The following ARHGEF3 variants were observed in gnomAD, a reference collection of about 807,000 sequenced individuals.
ARHGEF3 encodes 59.8 kDA protein.
ARHGEF3 carries 28 observed loss-of-function variants against 63.2 expected under a neutral mutation model. That is an observed-to-expected ratio of 0.44 (90% CI 0.33 to 0.61). The LOEUF (loss-of-function observed/expected upper bound fraction) is 0.61. ARHGEF3 is among the 20% of genes least tolerant of loss of function. The probability of loss-of-function intolerance (pLI) is 0.03; values close to 1 mark genes in which losing one functional copy is unlikely to be tolerated. For missense variants in ARHGEF3, 533 were observed against 659.3 expected (o/e 0.81, Z 2.10); for synonymous variants, 266 against 254.2 (o/e 1.05, Z -0.44).
At chr3:56,923,077 A>ATATATAT (rs2042191813) in intron 3 of ARHGEF3, among the ~76,000 whole-genome samples, 9 of 98,322 alleles carry the variant, frequency 9.2e-5, no homozygotes, top group Admixed American at 4.7e-4. Context: ...TATATATATA[A>ATATATAT]ATTAGTTGGG....
At chr3:56,906,441 T>C (rs2041686179) in intron 3 of ARHGEF3, among the ~76,000 whole-genome samples, 2 of 152,236 alleles carry the variant, frequency 1.3e-5, no homozygotes, top group South Asian at 4.1e-4. Context: ...AATTGAGATG[T>C]GCTCTAAGTA....
At chr3:56,922,484 G>T (rs2108369640) in intron 3 of ARHGEF3, among the ~76,000 whole-genome samples, 1 of 151,912 alleles carries the variant, frequency 6.6e-6, no homozygotes, top group Non-Finnish European at 1.5e-5. Context: ...ATCTGAATAT[G>T]GGGGTGGGAG....
chr3:56,901,450 T>TGTAC (rs2041505584), intron 3 of ARHGEF3, among the ~76,000 whole-genome samples: 1 of 151,792 alleles, frequency 6.6e-6, no homozygotes, highest in Non-Finnish European at 1.5e-5. Context: ...ATACTGTATA[T>TGTAC]ATATATATAC....
At chr3:57,053,347 G>C (rs901379837) in intron 1 of ARHGEF3, among the ~76,000 whole-genome samples, 3 of 152,046 alleles carry the variant, frequency 2.0e-5, no homozygotes, top group African/African-American at 7.2e-5. Flanking sequence ...GCAGGGAGGA[G>C]CTCCATGGCA....
At chr3:56,958,967 T>C in intron 2 of ARHGEF3, 1 of 1,422,002 alleles carries the variant, frequency 7.0e-7, no homozygotes, top group Non-Finnish European at 9.7e-7. Flanking sequence ...AATGCAGGTT[T>C]ATCAAAAAGA....
At chr3:57,052,674 A>G (rs1199998931) in intron 1 of ARHGEF3, among the ~76,000 whole-genome samples, 1 of 152,176 alleles carries the variant, frequency 6.6e-6, no homozygotes, top group African/African-American at 2.4e-5. Context: ...GGAACACGGC[A>G]AGACACAAAG....
chr3:57,068,169 A>ACACG (rs1491548605), intron 1 of ARHGEF3, among the ~76,000 whole-genome samples: 1 of 2,694 alleles, frequency 3.7e-4, no homozygotes, highest in Admixed American at 4.0e-3. Flanking sequence ...ACACACACAT[A>ACACG]CACACACACA....
At position 56,865,831 on chromosome 3, in the gene ARHGEF3, C is replaced by T. The variant is rs115245202; in HGVS notation, c.192+16461G>A. The stretch of plus-strand genomic sequence containing the variant: ...AGAACTGGAATCCTAATCTCACACT[C>T]CTAGCCTTCAAAACTGTGAGAAATC... On this transcript the variant is annotated intron_variant, in intron 4 of 12. Coordinates refer to the ARHGEF3 transcript ENST00000338458. Among the ~76,000 whole-genome samples the T allele has an allele frequency of 2.4e-3, 364 of 152,274 alleles. 1 individual carries two copies. Among genetic ancestry groups the T allele is most frequent in the African/African-American group, 4.3e-3 (177 of 41,558 alleles).
At chr3:56,785,284 C>T (rs2036747823) in intron 1 of ARHGEF3, among the ~76,000 whole-genome samples, 1 of 152,094 alleles carries the variant, frequency 6.6e-6, no homozygotes, top group Non-Finnish European at 1.5e-5. Flanking sequence ...TAGCGGTGGT[C>T]TGGCAGGATT....
chr3:57,035,824 G>T (rs1295336364), intron 1 of ARHGEF3, among the ~76,000 whole-genome samples: 1 of 152,228 alleles, frequency 6.6e-6, no homozygotes, highest in Non-Finnish European at 1.5e-5. Flanking sequence ...AATGCACTTG[G>T]AATGACAAAG....
intron 1 of ARHGEF3, among the ~76,000 whole-genome samples, chr3:56,781,893 T>G (rs909394290): frequency 1.3e-5 from 2 of 151,696 alleles, no homozygotes; most frequent in African/African-American, 4.8e-5. Flanking sequence ...GTCAAGAGAG[T>G]CAGTGTCAGG....
chr3:56,948,312 A>C (rs2106659546), intron 3 of ARHGEF3, among the ~76,000 whole-genome samples: 1 of 152,304 alleles, frequency 6.6e-6, no homozygotes, highest in East Asian at 1.9e-4. Flanking sequence ...GACATAAAAA[A>C]CCCTTCAAAA....
rs1289343545 is a variant in ARHGEF3, at chr3:56,848,726, G to T, written c.192+33566C>A. On this transcript the variant is annotated intron_variant, in intron 4 of 12. Coordinates refer to the ARHGEF3 transcript ENST00000338458. ...TTGTTGTCCAGGCTAGAGCGCAATG[G>T]TGTGATCTCGGCTCACTGCAGCCTC... is the stretch of plus-strand genomic sequence containing the variant. Among the ~76,000 whole-genome samples the T allele has an allele frequency of 2.6e-5, 4 of 152,198 alleles. No homozygotes were observed. The East Asian group carries it at 7.7e-4, about 29-fold the overall frequency.
chr3:56,977,156 C>G, intron 2 of ARHGEF3: 3 of 438,688 alleles, frequency 6.8e-6, no homozygotes, highest in South Asian at 5.0e-5. Context: ...CAGTCCAATT[C>G]CAGGATCCTG....
At chr3:56,772,003 A>G (rs2036031667) in intron 2 of ARHGEF3, among the ~76,000 whole-genome samples, 1 of 152,214 alleles carries the variant, frequency 6.6e-6, no homozygotes, top group African/African-American at 2.4e-5. Flanking sequence ...GGGCTGAAGA[A>G]CTGGTCACAA....
chr3:57,030,951 C>G (rs144683849), intron 2 of ARHGEF3, among the ~76,000 whole-genome samples: 26 of 152,346 alleles, frequency 1.7e-4, no homozygotes, highest in African/African-American at 6.0e-4. Context: ...CTGCATCTCA[C>G]AAACGGAAGC....
intron 1 of ARHGEF3, among the ~76,000 whole-genome samples, chr3:57,047,299 A>T (rs974371064): frequency 1.3e-5 from 2 of 152,194 alleles, no homozygotes; most frequent in African/African-American, 4.8e-5. Context: ...GTGAGCCGAG[A>T]TTTTGCCACT....
chr3:56,922,048 C>A (rs958220661), intron 3 of ARHGEF3, among the ~76,000 whole-genome samples: 2 of 151,570 alleles, frequency 1.3e-5, no homozygotes, highest in African/African-American at 4.9e-5. Flanking sequence ...GCAACTGATA[C>A]ATGGGCAGCT....
At chr3:56,870,101 G>A (rs1361204636) in intron 4 of ARHGEF3, among the ~76,000 whole-genome samples, 1 of 152,076 alleles carries the variant, frequency 6.6e-6, no homozygotes, top group Non-Finnish European at 1.5e-5. Flanking sequence ...GATAGTCATT[G>A]TTTGTTATTG....
Sources: allele counts gnomAD v4.1 joint callset (sites outside exome capture counted in the v4.1 genomes callset), GRCh38; gene constraint gnomAD v4.1.1; transcripts MANE v1.5; gene names NCBI Gene and HGNC (gene_info 2026-07-23, HGNC 2026-07-21).